LYZL1: variants seen among roughly 807,000 people sequenced by gnomAD.
LYZL1 encodes the protein lysozyme like 1.
In LYZL1, 16 loss-of-function variants were observed where a neutral mutation model predicts 17.9. The observed-to-expected ratio is 0.90, with a 90% CI of 0.61 to 1.36. The LOEUF (loss-of-function observed/expected upper bound fraction) is 1.36, where lower values mean the gene tolerates loss of function less well. LYZL1 is among the 40% of genes most tolerant of loss of function. LYZL1 has a pLI of 0.00. For missense variants in LYZL1, 149 were observed against 188.4 expected, an observed-to-expected ratio of 0.79 and a Z score of 1.22; for synonymous variants, 58 against 71.8, an observed-to-expected ratio of 0.81 and a Z score of 0.97.
At chr10:29,300,062 T>C (rs1835496793) in intron 3 of LYZL1, among the ~76,000 whole-genome samples, 1 of 152,196 alleles carries the variant, frequency 6.6e-6, no homozygotes, top group Admixed American at 6.5e-5. Context: ...TGTGTTCCAA[T>C]AAGGCTTTAT....
Position 29,311,224 on chromosome 10 carries a change from T to C in LYZL1, c.*165T>C. Reference sequence around the variant, plus strand: ...GAAAATAAATATTTCCATTTAAATGTCTTCACCCCGTCTCAGTTCCAATGA... The same window carrying C: ...GAAAATAAATATTTCCATTTAAATGCCTTCACCCCGTCTCAGTTCCAATGA... On this transcript the variant is annotated 3_prime_UTR_variant, in exon 5 of 5. Coordinates refer to ENST00000649382, the MANE Select transcript of LYZL1 (RefSeq NM_032517.6). 2 of 1,529,334 alleles carry C rather than the reference T, an allele frequency of 1.3e-6. No individual in the cohort carries two copies. The highest frequency in any genetic ancestry group is 1.8e-6 in the Non-Finnish European group (2 of 1,142,090). The allele number at this position is 1,529,334 out of a possible 1,614,324, so 94.7% of individuals were successfully genotyped here.
downstream of LYZL1, among the ~76,000 whole-genome samples, chr10:29,316,180 T>C (rs1588666346): frequency 6.6e-6 from 1 of 152,292 alleles, no homozygotes; most frequent in African/African-American, 2.4e-5. Flanking sequence ...TGGGGCTCCT[T>C]GAGGGCAGGA....
chr10:29,317,505 T>C (rs1488563807), intron 4 of LYZL1: 1 of 152,212 alleles, frequency 6.6e-6, no homozygotes, highest in Non-Finnish European at 1.5e-5. Context: ...AAACATGCCA[T>C]TACCTTAGCT....
downstream of LYZL1, among the ~76,000 whole-genome samples, chr10:29,311,618 C>T (rs140658730): frequency 5.3e-5 from 8 of 152,266 alleles, no homozygotes; most frequent in Admixed American, 1.3e-4. Context: ...CATAAAAGTT[C>T]TCAGTTGCAT....
At chr10:29,317,611 G>T (rs879549647) in intron 4 of LYZL1, among the ~76,000 whole-genome samples, 4 of 152,156 alleles carry the variant, frequency 2.6e-5, no homozygotes, top group African/African-American at 4.8e-5. Context: ...CCAGAGCTAA[G>T]CCCAACTCCT....
intron 3 of LYZL1, among the ~76,000 whole-genome samples, chr10:29,309,546 G>A (rs1268419174): frequency 6.6e-6 from 1 of 152,124 alleles, no homozygotes; most frequent in Non-Finnish European, 1.5e-5. Flanking sequence ...GCCCAGGCTG[G>A]AGTGCAGTGG....
downstream of LYZL1, among the ~76,000 whole-genome samples, chr10:29,314,309 T>C (rs1835704934): frequency 6.6e-6 from 1 of 152,218 alleles, no homozygotes; most frequent in African/African-American, 2.4e-5. Context: ...TTCACTGCTA[T>C]ATTTCCACAA....
intron 3 of LYZL1, among the ~76,000 whole-genome samples, chr10:29,305,959 G>A (rs926107308): frequency 1.1e-4 from 16 of 152,156 alleles, no homozygotes; most frequent in African/African-American, 3.6e-4. Context: ...CTACTGAAAT[G>A]CAACATTTTA....
In LYZL1 at chr10:29,302,717, G is replaced by T. The variant is rs77248175; in HGVS notation, c.299-7393G>T. Reference sequence around the variant, plus strand: ...GTTTGAATGAGCTGGCCTTCAGTGTGAATGCTGAGGCTCATCGTGTTGACT... The same window carrying T: ...GTTTGAATGAGCTGGCCTTCAGTGTTAATGCTGAGGCTCATCGTGTTGACT... On this transcript the variant is annotated intron_variant, in intron 3 of 4. Transcript: ENST00000649382. 2.5e-3 allele frequency among the ~76,000 whole-genome samples: 388 copies of T among 152,290 alleles called. 1 individual carries two copies. Among genetic ancestry groups the T allele is most frequent in the African/African-American group, 9.1e-3 (377 of 41,562 alleles).
chr10:29,318,237 G>A (rs1177395643), exon 5 of LYZL1: 3 of 967,792 alleles, frequency 3.1e-6, no homozygotes, highest in Non-Finnish European at 3.7e-6. Context: ...CAACCCCAGT[G>A]GCAACATAAT....
At position 29,311,050 on chromosome 10, in the gene LYZL1, G is replaced by A; in HGVS notation, c.438G>A (p.Glu146=). ...RDLSEWKKGC[E]VS ...TGTCCGAGTGGAAAAAAGGCTGTGAGGTTTCCTAAACTGGAACTGGACCCA... is the reference window on the plus strand; with the variant it reads ...TGTCCGAGTGGAAAAAAGGCTGTGAAGTTTCCTAAACTGGAACTGGACCCA... Residue 146 remains glutamate, a synonymous_variant, in exon 5 of 5, where the codon GAG becomes GAA. Transcript: ENST00000649382. 1.9e-6 allele frequency: 3 copies of A among 1,614,184 alleles called. No homozygotes were observed. The highest frequency in any genetic ancestry group is 2.7e-5 in the African/African-American group (2 of 75,032).
chr10:29,318,064 A>T, intron 4 of LYZL1: 1 of 576,802 alleles, frequency 1.7e-6, no homozygotes, highest in South Asian at 7.7e-5. Flanking sequence ...CTACATTTTA[A>T]TGTGAAATAA....
At chr10:29,291,228 A>G (rs1467638569) in intron 1 of LYZL1, among the ~76,000 whole-genome samples, 2 of 152,242 alleles carry the variant, frequency 1.3e-5, no homozygotes, top group Non-Finnish European at 2.9e-5. Flanking sequence ...TCTGTACTGG[A>G]TTCTTACAAT....
At chr10:29,306,560 A>G (rs1241428417) in intron 3 of LYZL1, among the ~76,000 whole-genome samples, 3 of 147,722 alleles carry the variant, frequency 2.0e-5, no homozygotes, top group Non-Finnish European at 4.5e-5. Flanking sequence ...AAAAAAAAAA[A>G]AAAAAAAAAA....
chr10:29,297,135 G>A, intron 3 of LYZL1, among the ~76,000 whole-genome samples: 1 of 135,708 alleles, frequency 7.4e-6, no homozygotes, highest in Non-Finnish European at 1.6e-5. Flanking sequence ...ACCAAATAAA[G>A]AACCTTTGGA....
chr10:29,295,751 G>C (rs1370209327), intron 3 of LYZL1, among the ~76,000 whole-genome samples: 24 of 152,180 alleles, frequency 1.6e-4, no homozygotes, highest in Admixed American at 1.6e-3. Flanking sequence ...AATGATAGAA[G>C]AAGAAAGAGA....
chr10:29,311,879 G>A (rs1429000487), downstream of LYZL1, among the ~76,000 whole-genome samples: 1 of 152,122 alleles, frequency 6.6e-6, no homozygotes, highest in East Asian at 1.9e-4. Context: ...TCGGGAGGCT[G>A]AGGTGGGAGG....
intron 3 of LYZL1, among the ~76,000 whole-genome samples, chr10:29,308,999 C>T (rs774694095): frequency 2.0e-5 from 3 of 150,638 alleles, no homozygotes; most frequent in South Asian, 2.1e-4. Context: ...TAGAGATAGA[C>T]GTATTTGACT....
At position 29,304,685 on chromosome 10, in the gene LYZL1, C is replaced by T. The variant is rs557127280; in HGVS notation, c.299-5425C>T. 1.2e-4 allele frequency among the ~76,000 whole-genome samples: 19 copies of T among 152,236 alleles called. No individual in the cohort carries two copies. In the South Asian group the frequency reaches 3.9e-3, roughly 32 times the overall value. On this transcript the variant is annotated intron_variant, in intron 3 of 4. Coordinates refer to ENST00000649382, the MANE Select transcript of LYZL1 (RefSeq NM_032517.6). ...AGAAACAATTACTGGCAAGAGTCCT[C>T]ATTTAAAAAGTGCCATCTGAACTCA...
Sources: gnomAD v4.1 joint callset for allele counts (sites outside exome capture counted in the v4.1 genomes callset) on GRCh38, gnomAD v4.1.1 for gene constraint, MANE v1.5 for transcripts, NCBI Gene and HGNC (gene_info 2026-07-23, HGNC 2026-07-21) for gene names.